Variants in ARMC8 observed in about 807,000 individuals in gnomAD.
The protein encoded by ARMC8 is armadillo repeat-containing protein 8.
A neutral mutation model predicts 99.3 loss-of-function variants in ARMC8; 20 were observed. That is an observed-to-expected ratio of 0.20 (90% CI 0.14 to 0.29). The LOEUF is 0.29. Among genes scored for constraint, ARMC8 ranks in the 10% least tolerant of loss-of-function variants. The pLI is 1.00. For missense variants in ARMC8, 569 were observed against 809.5 expected (o/e 0.70, Z 3.60); for synonymous variants, 263 against 278.3 (o/e 0.95, Z 0.55).
intron 11 of ARMC8, 117 bp from the exon 12 acceptor site, chr3:138,244,971 A>T: frequency 1.6e-6 from 2 of 1,242,322 alleles, no homozygotes; most frequent in Non-Finnish European, 2.2e-6. Flanking sequence ...GTAGTTAATG[A>T]CTGGGAAATT....
At chr3:138,281,288 A>ATTTCTT (rs2049894179) in intron 18 of ARMC8, among the ~76,000 whole-genome samples, 1 of 148,754 alleles carries the variant, frequency 6.7e-6, no homozygotes, top group Non-Finnish European at 1.5e-5. Context: ...CCAATAATTG[A>ATTTCTT]TTTCTTTTTC....
chr3:138,258,674 G>A (rs1157333897), intron 12 of ARMC8, among the ~76,000 whole-genome samples: 2 of 152,228 alleles, frequency 1.3e-5, no homozygotes, highest in African/African-American at 4.8e-5. Flanking sequence ...TCCTGCAAGA[G>A]CAGCAATGCA....
chr3:138,214,446 C>T (rs961495177), intron 2 of ARMC8, among the ~76,000 whole-genome samples: 1 of 151,302 alleles, frequency 6.6e-6, no homozygotes, highest in Non-Finnish European at 1.5e-5. Context: ...ATGATTAATT[C>T]TCTTAGCTCC....
At chr3:138,200,904 C>CTTTTTTTTT in intron 1 of ARMC8, among the ~76,000 whole-genome samples, 1 of 63,350 alleles carries the variant, frequency 1.6e-5, no homozygotes, top group Non-Finnish European at 2.9e-5. Context: ...CTTCAGTGGG[C>CTTTTTTTTT]TTTTTTTTTT....
intron 1 of ARMC8, among the ~76,000 whole-genome samples, chr3:138,201,403 T>TCG (rs2044060190): frequency 6.7e-6 from 1 of 149,266 alleles, no homozygotes; most frequent in African/African-American, 2.4e-5. Context: ...TATGTTGTGC[T>TCG]CTCTACCTAG....
At chr3:138,255,189 CTGTTTTTTTTTTTTT>C (rs371785136) in intron 12 of ARMC8, among the ~76,000 whole-genome samples, 110 of 144,828 alleles carry the variant, frequency 7.6e-4, no homozygotes, top group African/African-American at 2.2e-3. Context: ...TTGTTCTGTT[CTGTTTTTTTTTTTTT>C]TGTTTTTTTT....
At chr3:138,270,462 T>G (rs1190692690) in intron 16 of ARMC8, among the ~76,000 whole-genome samples, 1 of 152,252 alleles carries the variant, frequency 6.6e-6, no homozygotes, top group East Asian at 1.9e-4. Context: ...AGCACTTTCA[T>G]ATCTCCTTTG....
chr3:138,288,598 C>T (rs577101111), intron 19 of ARMC8, among the ~76,000 whole-genome samples: 9 of 152,138 alleles, frequency 5.9e-5, no homozygotes, highest in Non-Finnish European at 8.8e-5. Flanking sequence ...ACTTCATGGC[C>T]CCTCAAGACA....
At position 138,296,499 on chromosome 3, in the gene ARMC8, A is replaced by G. The variant is rs2051496410; in HGVS notation, c.*607A>G. 6.6e-6 allele frequency: 1 copy of G among 152,176 alleles called. No homozygotes were observed. The highest frequency in any genetic ancestry group is 2.4e-5 in the African/African-American group (1 of 41,444). The allele number at this position is 152,176 out of a possible 1,614,324, so 9.4% of individuals were successfully genotyped here. Reference sequence around the variant, plus strand: ...AGATGAATATTTGTAAGTAAAAAATATATGCATTTCTGAACCTCAACTTAC... The same window carrying G: ...AGATGAATATTTGTAAGTAAAAAATGTATGCATTTCTGAACCTCAACTTAC... On this transcript the variant is annotated 3_prime_UTR_variant, in exon 22 of 22. Transcript: ENST00000469044.
At chr3:138,268,319 A>C (rs1356389095) in intron 15 of ARMC8, among the ~76,000 whole-genome samples, 1 of 152,212 alleles carries the variant, frequency 6.6e-6, no homozygotes, top group African/African-American at 2.4e-5. Context: ...TGGAACAAAC[A>C]GGGCAAGACT....
Position 138,237,332 on chromosome 3 carries a change from T to G in ARMC8, c.633T>G (p.Cys211Trp). The G allele has an allele frequency of 6.2e-7, 1 of 1,613,472 alleles. No individual in the cohort carries two copies. The highest frequency in any genetic ancestry group is 1.7e-5 in the Admixed American group (1 of 59,810). Residue 211 changes from cysteine to tryptophan, a missense_variant, in exon 8 of 22, where the codon TGT (cysteine) becomes TGG (tryptophan). By Grantham distance (215) the Cys-to-Trp change is radical. This residue lies in a region of ARMC8 where 342 missense variants were observed against 391.6 expected (regional missense o/e 0.87). Transcript: ENST00000469044. ...AGGTTCGAATGCAAGCACTGAAATG[T>G]TTCTCAGTTTTAGCTTTTGAAAACC... is the stretch of plus-strand genomic sequence containing the variant. Reference protein sequence around the residue: ...SYKVRMQALKCFSVLAFENPQ... With the variant: ...SYKVRMQALKWFSVLAFENPQ...
rs2046133686 is a variant in ARMC8, at chr3:138,232,953, G to A, written c.529-2081G>A. Among the ~76,000 whole-genome samples, 3 of 152,146 alleles carry A rather than the reference G, an allele frequency of 2.0e-5. No individual in the cohort carries two copies. In the South Asian group the frequency reaches 6.2e-4, roughly 31 times the overall value. Reference sequence around the variant, plus strand: ...AAACTGGGTTGTCAAAATTGATAAGGAACTTAAAAAGCCTTAGTGTGATGA... The same window carrying A: ...AAACTGGGTTGTCAAAATTGATAAGAAACTTAAAAAGCCTTAGTGTGATGA... On this transcript the variant is annotated intron_variant, in intron 6 of 21. Coordinates refer to ENST00000469044, the MANE Select transcript of ARMC8 (RefSeq NM_001363941.2).
At chr3:138,226,053 C>G (rs2045678668) in intron 5 of ARMC8, among the ~76,000 whole-genome samples, 1 of 152,158 alleles carries the variant, frequency 6.6e-6, no homozygotes, top group East Asian at 1.9e-4. Flanking sequence ...AGTGCAGTGG[C>G]TTGATCTCGA....
At chr3:138,285,008 C>CTTCTGTCA (rs1461691568) in intron 19 of ARMC8, among the ~76,000 whole-genome samples, 1 of 152,256 alleles carries the variant, frequency 6.6e-6, no homozygotes, top group African/African-American at 2.4e-5. Flanking sequence ...AAAAGCCCTC[C>CTTCTGTCA]ACTTCTCATT....
At chr3:138,189,164 C>A (rs2043237617) in intron 1 of ARMC8, among the ~76,000 whole-genome samples, 1 of 152,046 alleles carries the variant, frequency 6.6e-6, no homozygotes, top group Non-Finnish European at 1.5e-5. Context: ...TCATTTGTTT[C>A]ACTTCCTTGG....
chr3:138,246,056 G>GT, intron 12 of ARMC8: 3 of 985,382 alleles, frequency 3.0e-6, no homozygotes, highest in Non-Finnish European at 3.6e-6. Flanking sequence ...AAGGAGCACT[G>GT]TGAGAGAAAT....
chr3:138,278,281 CG>C (rs2049506320), intron 18 of ARMC8, among the ~76,000 whole-genome samples: 2 of 151,846 alleles, frequency 1.3e-5, no homozygotes, highest in African/African-American at 4.8e-5. Context: ...CTGAGGCAGG[CG>C]GATCACTTGA....
chr3:138,232,769 C>G (rs1221736737), intron 6 of ARMC8, among the ~76,000 whole-genome samples: 1 of 152,150 alleles, frequency 6.6e-6, no homozygotes. Context: ...AATATATTTA[C>G]GTATCTGCTG....
rs71146119 is a variant in ARMC8, at chr3:138,229,134, GTA to G, written c.528+172_528+173del. 5.2e-3 allele frequency: 408 copies of G among 78,568 alleles called. 3 individuals carry two copies. The highest frequency in any genetic ancestry group is 6.1e-3 in the African/African-American group (87 of 14,280). The allele number at this position is 78,568 out of a possible 1,614,324, so 4.9% of individuals were successfully genotyped here. On this transcript the variant is annotated intron_variant, in intron 6 of 21. Coordinates refer to ENST00000469044, the MANE Select transcript of ARMC8 (RefSeq NM_001363941.2). The stretch of plus-strand genomic sequence containing the variant: ...TATAAGTAGACCTGTGTGTGTGCGT[GTA>G]TATATATATATATATATATATATAT...
Sources: gnomAD v4.1 joint callset for allele counts (sites outside exome capture counted in the v4.1 genomes callset) on GRCh38, gnomAD v4.1.1 for gene constraint, gnomAD v4.1.1 regional missense constraint, MANE v1.5 for transcripts, NCBI Gene and HGNC (gene_info 2026-07-23, HGNC 2026-07-21) for gene names.